TCF25: variants seen among roughly 807,000 people sequenced by gnomAD.
TCF25 encodes TCF25 ribosome quality control complex subunit.
Under a neutral mutation model 83.1 loss-of-function variants are expected in TCF25, and 41 were observed. That is an observed-to-expected ratio of 0.49 (90% CI 0.38 to 0.64). TCF25 has a LOEUF of 0.64. Ranked by LOEUF, TCF25 falls within the 30% of genes least tolerant of loss-of-function variation. TCF25 has a pLI of 0.00. For synonymous variants in TCF25, 458 were observed against 365.0 expected (o/e 1.25, Z -2.90); for missense variants, 979 against 914.5 (o/e 1.07, Z -0.91).
At chr16:89,875,973 G>C (rs1010113950) in intron 1 of TCF25, among the ~76,000 whole-genome samples, 1 of 151,384 alleles carries the variant, frequency 6.6e-6, no homozygotes, top group Non-Finnish European at 1.5e-5. Flanking sequence ...ACCATGCTCA[G>C]CTTGTTCTTT....
At chr16:89,901,191 C>T (rs1597360902) in intron 12 of TCF25, among the ~76,000 whole-genome samples, 1 of 152,224 alleles carries the variant, frequency 6.6e-6, no homozygotes, top group Non-Finnish European at 1.5e-5. Context: ...AGAATGGAGG[C>T]CTGTGCCGCC....
chr16:89,907,487 GCTCCCACCTCCCTCCTCCCAC>G (rs1567741821), intron 16 of TCF25, among the ~76,000 whole-genome samples, 165 bp downstream of exon 16: 1 of 11,204 alleles, frequency 8.9e-5, no homozygotes, highest in South Asian at 3.1e-3. Context: ...CCACCTCCCA[GCTCCCACCTCCCTCCTCCCAC>G]CTCCCACCTC....
chr16:89,909,232 C>G, intron 16 of TCF25: 1 of 1,072,124 alleles, frequency 9.3e-7, no homozygotes. Context: ...ACTTAGCCAG[C>G]TGGGTGCAGT....
chr16:89,910,531 G>A, intron 16 of TCF25, 60 bp from the exon 17 acceptor site: 1 of 1,581,060 alleles, frequency 6.3e-7, no homozygotes, highest in East Asian at 2.2e-5. Flanking sequence ...CCGTGAGCCG[G>A]GTTGGGTCCC....
rs558116284 is a variant in TCF25, at chr16:89,882,012, C to T, written c.193-1339C>T. 7.2e-5 allele frequency among the ~76,000 whole-genome samples: 11 copies of T among 152,300 alleles called. No homozygotes were observed. In the South Asian group the frequency reaches 2.3e-3, roughly 32 times the overall value. On this transcript the variant is annotated intron_variant, in intron 1 of 17. Transcript: ENST00000263346. ...TCGTGATCCACCCACCTCGGCCTCC[C>T]AAAGTGCTGGGATTACAGGGGTGCA... is the stretch of plus-strand genomic sequence containing the variant.
At chr16:89,875,945 G>C (rs1342234703) in intron 1 of TCF25, among the ~76,000 whole-genome samples, 2 of 150,000 alleles carry the variant, frequency 1.3e-5, no homozygotes, top group African/African-American at 4.9e-5. Context: ...CTGAGCAGCT[G>C]GGACTACAGC....
At position 89,896,051 on chromosome 16, in the gene TCF25, C is replaced by A. The variant is rs771025821; in HGVS notation, c.990C>A (p.Ala330=). Residue 330 remains alanine, a synonymous_variant, in exon 9 of 18, where the codon GCC becomes GCA. Coordinates refer to ENST00000263346, the MANE Select transcript of TCF25 (RefSeq NM_014972.3). ...CCCTGTTCAGTCTCACCAGTGGGGC[C>A]TGCCGGCTGGATTACCGCAGACCCG... ...FHPLFSLTSG[A]CRLDYRRPEN... is the part of the protein sequence containing the mutation. The A allele has an allele frequency of 6.2e-7, 1 of 1,613,878 alleles. No homozygotes were observed.
At position 89,900,941 on chromosome 16, in the gene TCF25, A is replaced by T. The variant is rs949519763; in HGVS notation, c.1381+147A>T. 4 of 941,822 alleles carry T rather than the reference A, an allele frequency of 4.2e-6. No individual in the cohort carries two copies. The African/African-American group carries it at 4.9e-5, about 12-fold the overall frequency. The allele number at this position is 941,822 out of a possible 1,614,324, so 58.3% of individuals were successfully genotyped here. A position where few individuals can be genotyped will look rare whatever the true frequency, so the allele number is the denominator to read the frequency against. ...CTGGTAGGGCCTGCAAACCTGCCCT[A>T]CCAAACCTGAAAGAGGGTCGGCTCA... On this transcript the variant is annotated intron_variant, in intron 12 of 17. Transcript: ENST00000263346.
intron 16 of TCF25, among the ~76,000 whole-genome samples, chr16:89,908,377 C>T (rs1192326797): frequency 2.7e-5 from 4 of 150,158 alleles, no homozygotes; most frequent in African/African-American, 9.8e-5. Flanking sequence ...GCTCCCAGCT[C>T]CCACCTCCCT....
chr16:89,907,606 G>GCTCCTGC, intron 16 of TCF25, among the ~76,000 whole-genome samples: 2 of 88,390 alleles, frequency 2.3e-5, no homozygotes, highest in East Asian at 3.6e-4. Context: ...CCACCTCCCA[G>GCTCCTGC]CTCCCACCTC....
At position 89,892,181 on chromosome 16, in the gene TCF25, C is replaced by T. The variant is rs1441154763; in HGVS notation, c.615-12C>T. 4.4e-6 allele frequency: 7 copies of T among 1,597,878 alleles called. No homozygotes were observed. The highest frequency in any genetic ancestry group is 4.5e-5 in the East Asian group (2 of 43,988). On this transcript the variant is annotated splice_polypyrimidine_tract_variant and intron_variant, in intron 5 of 17. Transcript: ENST00000263346. ...AGGAAGTAAAGCTGTACCTGTGTCC[C>T]GTTCTCCCCAGGCCACGGCAGAGAC...
chr16:89,909,114 A>G lies in TCF25; in HGVS notation c.1800-1477A>G, dbSNP rs575404307. On this transcript the variant is annotated intron_variant, in intron 16 of 17. Coordinates refer to ENST00000263346, the MANE Select transcript of TCF25 (RefSeq NM_014972.3). ...AGTGACACAGTGGAAGCAGGTGTGC[A>G]GTGAAGTGGGGAAAACATATTAATT... is the stretch of plus-strand genomic sequence containing the variant. 2.8e-4 allele frequency: 361 copies of G among 1,288,932 alleles called. 2 individuals are homozygous for G. The South Asian group carries it at 4.1e-3, about 15-fold the overall frequency. 79.8% of individuals were successfully genotyped at this position (1,288,932 alleles called of 1,614,324 possible). A position where few individuals can be genotyped will look rare whatever the true frequency, so the allele number is the denominator to read the frequency against.
chr16:89,901,289 C>A (rs912133117), intron 12 of TCF25, among the ~76,000 whole-genome samples: 6 of 152,212 alleles, frequency 3.9e-5, no homozygotes, highest in African/African-American at 1.4e-4. Context: ...AGTGAGGCTG[C>A]CACCTGGTCA....
chr16:89,903,864 C>T (rs1301221526), intron 12 of TCF25, among the ~76,000 whole-genome samples: 1 of 152,064 alleles, frequency 6.6e-6, no homozygotes, highest in Non-Finnish European at 1.5e-5. Context: ...TGAGTCTTCC[C>T]TTGGATGCAA....
rs773291500 is a variant in TCF25 at position 89,873,843 on chromosome 16, A to C, written c.176A>C (p.Asn59Thr). The C allele has an allele frequency of 8.4e-6, 13 of 1,556,788 alleles. No homozygotes were observed. The highest frequency in any genetic ancestry group is 1.7e-4 in the Middle Eastern group (1 of 5,900). The change falls in exon 1 of 18, where the codon AAC becomes ACC. Residue 59 changes from asparagine (N) to threonine (T), a missense_variant. By Grantham distance (65) the Asn-to-Thr change is moderately conservative. Transcript: ENST00000263346. ...GCAGGGAAGGAGGGCGTCCGAGTCA[A>C]CAACCGCTTCGAGCTGGTGAGGAGC... is the stretch of plus-strand genomic sequence containing the variant. ...GGAGKEGVRV[N>T]NRFELINIDD...
At chr16:89,888,401 A>G (rs920252496) in intron 5 of TCF25, among the ~76,000 whole-genome samples, 2 of 152,064 alleles carry the variant, frequency 1.3e-5, no homozygotes, top group Non-Finnish European at 2.9e-5. Context: ...CAGCCTGACC[A>G]ACATGGAGAA....
At chr16:89,895,757 G>T (rs1343998951) in intron 8 of TCF25, among the ~76,000 whole-genome samples, 1 of 152,258 alleles carries the variant, frequency 6.6e-6, no homozygotes, top group African/African-American at 2.4e-5. Context: ...CGTGGCAGCA[G>T]TTGTGCCTCA....
intron 1 of TCF25, among the ~76,000 whole-genome samples, chr16:89,877,541 G>C (rs1223396982): frequency 6.6e-6 from 1 of 152,140 alleles, no homozygotes; most frequent in East Asian, 1.9e-4. Context: ...TTTTAAATTA[G>C]AAAAGTGTTT....
At chr16:89,890,297 C>T (rs1338618073) in intron 5 of TCF25, 2 of 152,288 alleles carry the variant, frequency 1.3e-5, no homozygotes, top group African/African-American at 4.8e-5. Flanking sequence ...GCTACAGTCC[C>T]CGGTGTCTGC....
Sources: gnomAD v4.1 joint callset for allele counts (sites outside exome capture counted in the v4.1 genomes callset) on GRCh38, gnomAD v4.1.1 for gene constraint, MANE v1.5 for transcripts, NCBI Gene and HGNC (gene_info 2026-07-23, HGNC 2026-07-21) for gene names.